Variants in KSR2 observed in about 807,000 individuals in gnomAD.
KSR2 encodes the protein kinase suppressor of ras 2.
KSR2 carries 25 observed loss-of-function variants against 107.8 expected under a neutral mutation model. That is an observed-to-expected ratio of 0.23 (90% CI 0.17 to 0.32). The LOEUF (loss-of-function observed/expected upper bound fraction) is 0.32, where lower values mean the gene tolerates loss of function less well. KSR2 is among the 10% of genes least tolerant of loss of function. The probability of loss-of-function intolerance (pLI) is 1.00; values close to 1 mark genes in which losing one functional copy is unlikely to be tolerated. For synonymous variants in KSR2, 480 were observed against 507.0 expected (o/e 0.95, Z 0.71); for missense variants, 887 against 1,268.9 (o/e 0.70, Z 4.57).
intron 3 of KSR2, among the ~76,000 whole-genome samples, chr12:117,815,441 C>T (rs977258240): frequency 8.6e-5 from 13 of 152,040 alleles, no homozygotes; most frequent in African/African-American, 1.7e-4. Flanking sequence ...AGCACTCTAC[C>T]GTGTACATAA....
intron 5 of KSR2, among the ~76,000 whole-genome samples, chr12:117,646,430 GACAA>G (rs1883645261): frequency 6.6e-6 from 1 of 152,158 alleles, no homozygotes; most frequent in African/African-American, 2.4e-5. Flanking sequence ...TTTATAGATG[GACAA>G]ACAGACAGGT....
At chr12:117,681,456 G>T (rs1885360607) in intron 4 of KSR2, among the ~76,000 whole-genome samples, 2 of 152,120 alleles carry the variant, frequency 1.3e-5, no homozygotes, top group Admixed American at 6.5e-5. Flanking sequence ...GAGGCAGGGG[G>T]AATGTCGCGG....
intron 3 of KSR2, among the ~76,000 whole-genome samples, chr12:117,781,809 G>A (rs1044474550): frequency 5.3e-5 from 8 of 152,116 alleles, no homozygotes; most frequent in Non-Finnish European, 1.0e-4. Flanking sequence ...GAGCCCAAAC[G>A]TCAGGTTGAC....
At chr12:117,839,387 G>C (rs531728897) in intron 3 of KSR2, among the ~76,000 whole-genome samples, 20 of 152,166 alleles carry the variant, frequency 1.3e-4, no homozygotes, top group Non-Finnish European at 1.8e-4. Flanking sequence ...TGTGACCTTG[G>C]TTGGGTACCA....
intron 4 of KSR2, among the ~76,000 whole-genome samples, chr12:117,677,541 C>A (rs1007934985): frequency 2.1e-4 from 32 of 152,106 alleles, no homozygotes; most frequent in African/African-American, 7.7e-4. Context: ...ATTGTTTAAG[C>A]CCCTCGATCT....
At chr12:117,514,883 G>A (rs954250621) in intron 14 of KSR2, among the ~76,000 whole-genome samples, 1 of 151,898 alleles carries the variant, frequency 6.6e-6, no homozygotes, top group Non-Finnish European at 1.5e-5. Context: ...GCTACTCCCC[G>A]TATATATCCT....
At chr12:117,526,243 T>C (rs1437548907) in intron 13 of KSR2, among the ~76,000 whole-genome samples, 4 of 152,224 alleles carry the variant, frequency 2.6e-5, no homozygotes, top group Non-Finnish European at 5.9e-5. Context: ...TAGAGTTAAA[T>C]GCTCAAGGTG....
rs5801257 is a variant in KSR2, at chr12:117,861,378, C to CTTTTTTTTTT, written c.181-957_181-948dup. On this transcript the variant is annotated intron_variant, in intron 1 of 19. Transcript: ENST00000339824. ...TCTGTCCACAAGGACTCCCAATTCG[C>CTTTTTTTTTT]TTTTTTTTTTTTTTTTTTTTTTTTT... is the stretch of plus-strand genomic sequence containing the variant. 4.9e-5 allele frequency among the ~76,000 whole-genome samples: 4 copies of CTTTTTTTTTT among 81,684 alleles called. 1 individual carries two copies. The highest frequency in any genetic ancestry group is 2.2e-5 in the Non-Finnish European group (1 of 44,980). 53.6% of individuals were successfully genotyped at this position (81,684 alleles called of 152,430 possible). A position where few individuals can be genotyped will look rare whatever the true frequency, so the allele number is the denominator to read the frequency against.
At chr12:117,904,233 G>C (rs1225833274) in intron 1 of KSR2, among the ~76,000 whole-genome samples, 1 of 152,152 alleles carries the variant, frequency 6.6e-6, no homozygotes, top group Non-Finnish European at 1.5e-5. Flanking sequence ...GACCCTCAGG[G>C]GTTCATATCC....
chr12:117,876,388 G>T (rs983185470), intron 1 of KSR2, among the ~76,000 whole-genome samples: 4 of 152,230 alleles, frequency 2.6e-5, no homozygotes, highest in Non-Finnish European at 5.9e-5. Flanking sequence ...CTGAGGCCAG[G>T]CAGAGGGACC....
chr12:117,790,193 CT>C (rs535063195), intron 3 of KSR2, among the ~76,000 whole-genome samples: 127 of 152,260 alleles, frequency 8.3e-4, no homozygotes, highest in African/African-American at 3.0e-3. Context: ...AAGGACGTGC[CT>C]GTGACACAGC....
intron 4 of KSR2, among the ~76,000 whole-genome samples, chr12:117,713,884 T>C (rs1252042018): frequency 1.3e-5 from 2 of 152,212 alleles, no homozygotes; most frequent in African/African-American, 4.8e-5. Flanking sequence ...AGCTCCCTGA[T>C]GCCAGCAACC....
At chr12:117,654,465 C>T (rs1380155292) in intron 5 of KSR2, among the ~76,000 whole-genome samples, 2 of 152,202 alleles carry the variant, frequency 1.3e-5, no homozygotes, top group Non-Finnish European at 1.5e-5. Context: ...CGGGCACCAC[C>T]CGAAAGTGCA....
chr12:117,612,265 G>A (rs755823795), intron 5 of KSR2, among the ~76,000 whole-genome samples: 17 of 151,926 alleles, frequency 1.1e-4, no homozygotes, highest in Non-Finnish European at 1.6e-4. Context: ...TTAGCCGGGC[G>A]TGGTGGTGCA....
chr12:117,883,921 AG>A (rs1894101088), intron 1 of KSR2, among the ~76,000 whole-genome samples: 1 of 151,624 alleles, frequency 6.6e-6, no homozygotes, highest in Non-Finnish European at 1.5e-5. Context: ...AAGCAGAGAC[AG>A]GGGCTGGGTC....
intron 11 of KSR2, 87 bp from the exon 12 acceptor site, chr12:117,531,100 A>T (rs934976048): frequency 9.4e-7 from 1 of 1,059,774 alleles, no homozygotes; most frequent in African/African-American, 1.6e-5. Flanking sequence ...CATGGCAGCC[A>T]ATTTTTCACC....
At chr12:117,862,736 T>A (rs1163919926) in intron 1 of KSR2, among the ~76,000 whole-genome samples, 2 of 149,964 alleles carry the variant, frequency 1.3e-5, no homozygotes, top group Admixed American at 6.6e-5. Context: ...CCCTTTTTTT[T>A]TTTTTTTTTT....
At chr12:117,960,450 G>A (rs1237704077) in intron 1 of KSR2, among the ~76,000 whole-genome samples, 1 of 152,140 alleles carries the variant, frequency 6.6e-6, no homozygotes, top group Non-Finnish European at 1.5e-5. Flanking sequence ...TGTCCTCTAG[G>A]AACACCGTTG....
At position 117,793,392 on chromosome 12, in the gene KSR2, C is replaced by A. The variant is rs556349325; in HGVS notation, c.473-31868G>T. Among the ~76,000 whole-genome samples, 8 of 149,530 alleles carry A rather than the reference C, an allele frequency of 5.4e-5. No individual in the cohort carries two copies. In the East Asian group the frequency reaches 1.4e-3, roughly 27 times the overall value. ...ACATGCACACACACCACTGTGCACC[C>A]ATACCAACATGCACACATACACACC... On this transcript the variant is annotated intron_variant, in intron 3 of 19. Transcript: ENST00000339824.
Sources: gnomAD v4.1 joint callset for allele counts (sites outside exome capture counted in the v4.1 genomes callset) on GRCh38, gnomAD v4.1.1 for gene constraint, MANE v1.5 for transcripts, NCBI Gene and HGNC (gene_info 2026-07-23, HGNC 2026-07-21) for gene names.